The following SFI1 variants were observed in gnomAD, a reference collection of about 807,000 sequenced individuals.
The protein encoded by SFI1 is protein SFI1 homolog.
A neutral mutation model predicts 207.5 loss-of-function variants in SFI1; 195 were observed. The ratio of observed to expected loss-of-function variants is 0.94; its 90% CI spans 0.84 to 1.06. The LOEUF (loss-of-function observed/expected upper bound fraction) is 1.06, where lower values mean the gene tolerates loss of function less well. SFI1 is among the 50% of genes least tolerant of loss of function. The pLI is 0.00. For missense variants in SFI1, 1,634 were observed against 1,588.0 expected, an observed-to-expected ratio of 1.03 and a Z score of -0.49; for synonymous variants, 630 against 598.9, an observed-to-expected ratio of 1.05 and a Z score of -0.76.
chr22:31,526,819 T>C (rs2057967413), intron 2 of SFI1, among the ~76,000 whole-genome samples: 1 of 152,104 alleles, frequency 6.6e-6, no homozygotes, highest in Non-Finnish European at 1.5e-5. Context: ...TGCCTCAGCC[T>C]CTCAAAATGC....
At chr22:31,584,999 G>T (rs566539516) in intron 13 of SFI1, 69 bp from the exon 14 acceptor site, 7 of 1,418,444 alleles carry the variant, frequency 4.9e-6, no homozygotes, top group East Asian at 2.3e-5. Context: ...TAACTGTACC[G>T]CAATTTACCT....
chr22:31,510,906 A>G (rs2146699504), intron 2 of SFI1, among the ~76,000 whole-genome samples: 1 of 152,262 alleles, frequency 6.6e-6, no homozygotes, highest in South Asian at 2.1e-4. Context: ...TTGGTGATCC[A>G]TGTCTTCTCT....
intron 2 of SFI1, among the ~76,000 whole-genome samples, chr22:31,511,062 T>C (rs75732221): frequency 6.6e-6 from 1 of 152,298 alleles, no homozygotes; most frequent in African/African-American, 2.4e-5. Flanking sequence ...AAGTTTCTTA[T>C]AGAATCCACT....
chr22:31,614,361 G>A, intron 27 of SFI1: 2 of 372,920 alleles, frequency 5.4e-6, no homozygotes, highest in East Asian at 6.9e-5. Context: ...TGAAGCTGGT[G>A]GCTCCCACAG....
chr22:31,561,145 A>G, intron 7 of SFI1, 145 bp from the exon 8 acceptor site: 3 of 652,604 alleles, frequency 4.6e-6, no homozygotes, highest in Non-Finnish European at 7.8e-6. Context: ...GTTTTGTTTT[A>G]TTTTTTTCCC....
In SFI1 at chr22:31,613,094, C is replaced by T. The variant is rs751237692; in HGVS notation, c.2491-48C>T. On this transcript the variant is annotated intron_variant, in intron 24 of 32. Transcript: ENST00000400288. ...GGGCAGGGCCCCGTGATCACCACGGCCTCCTTGAAGGGGCTATAGGGAAAT... is the reference window on the plus strand; with the variant it reads ...GGGCAGGGCCCCGTGATCACCACGGTCTCCTTGAAGGGGCTATAGGGAAAT... 3.1e-6 allele frequency: 5 copies of T among 1,592,486 alleles called. No individual in the cohort carries two copies. In the East Asian group the frequency reaches 1.1e-4, roughly 36 times the overall value.
chr22:31,593,089 C>T (rs1311737378), intron 15 of SFI1, among the ~76,000 whole-genome samples: 3 of 145,862 alleles, frequency 2.1e-5, no homozygotes, highest in Non-Finnish European at 4.6e-5. Flanking sequence ...GGGGGCTGAC[C>T]CCCCACCTCC....
At chr22:31,610,932 G>C (rs1249994329) in intron 22 of SFI1, among the ~76,000 whole-genome samples, 1 of 152,212 alleles carries the variant, frequency 6.6e-6, no homozygotes, top group East Asian at 1.9e-4. Flanking sequence ...AACAGATCTG[G>C]TTCCAGTCCC....
intron 14 of SFI1, among the ~76,000 whole-genome samples, chr22:31,588,447 A>T (rs1480968750): frequency 6.6e-6 from 1 of 152,234 alleles, no homozygotes; most frequent in Admixed American, 6.5e-5. Context: ...TCCCAGCCAG[A>T]TTCAAGGGGA....
chr22:31,562,690 G>A (rs773420840), intron 8 of SFI1, among the ~76,000 whole-genome samples: 12 of 151,896 alleles, frequency 7.9e-5, no homozygotes, highest in Non-Finnish European at 1.6e-4. Context: ...CTGGAGTGGA[G>A]TGGCACAGTC....
chr22:31,596,868 G>A (rs1329618741), intron 15 of SFI1, among the ~76,000 whole-genome samples: 2 of 150,470 alleles, frequency 1.3e-5, no homozygotes, highest in Admixed American at 6.6e-5. Context: ...CTGAAGACAC[G>A]CACACACAGT....
At chr22:31,567,113 G>A (rs2062399699) in intron 8 of SFI1, among the ~76,000 whole-genome samples, 1 of 152,072 alleles carries the variant, frequency 6.6e-6, no homozygotes, top group African/African-American at 2.4e-5. Flanking sequence ...CACCGTGTTA[G>A]CCAGGATGGT....
At position 31,583,857 on chromosome 22, in the gene SFI1, C is replaced by T. The variant is rs368645776; in HGVS notation, c.1249-18C>T. The T allele has an allele frequency of 4.4e-6, 7 of 1,608,324 alleles. No homozygotes were observed. Among genetic ancestry groups the T allele is most frequent in the Non-Finnish European group, 6.0e-6 (7 of 1,174,990 alleles). On this transcript the variant is annotated intron_variant, in intron 12 of 32. Transcript: ENST00000400288. ...TTTCATCTCAGTACATTTCCATCTT[C>T]TTCCTCCCTTGCTTTAGCTGCTGCA...
chr22:31,519,893 T>C (rs2057005899), intron 2 of SFI1, among the ~76,000 whole-genome samples: 1 of 151,870 alleles, frequency 6.6e-6, no homozygotes, highest in Admixed American at 6.6e-5. Context: ...TTTTAAACTT[T>C]TAATTAATTA....
chr22:31,591,158 T>C (rs997110742), intron 15 of SFI1, among the ~76,000 whole-genome samples: 1 of 151,880 alleles, frequency 6.6e-6, no homozygotes. Context: ...GATTAGGGAG[T>C]GGTGATGACT....
At chr22:31,610,323 C>T (rs1368088081) in intron 22 of SFI1, among the ~76,000 whole-genome samples, 2 of 152,196 alleles carry the variant, frequency 1.3e-5, no homozygotes, top group Non-Finnish European at 2.9e-5. Context: ...ATGGGGATAA[C>T]AGTGCCTACC....
intron 12 of SFI1, among the ~76,000 whole-genome samples, chr22:31,581,500 T>C (rs1193942125): frequency 1.3e-5 from 2 of 151,986 alleles, no homozygotes; most frequent in East Asian, 3.9e-4. Flanking sequence ...CCATGTTGGT[T>C]GGGCTGGTCG....
chr22:31,557,883 T>A (rs139710578), intron 7 of SFI1, among the ~76,000 whole-genome samples: 19 of 152,330 alleles, frequency 1.2e-4, no homozygotes, highest in African/African-American at 4.6e-4. Flanking sequence ...TATAGCCAGA[T>A]ATGTAACAAT....
rs574160906 is a variant in SFI1, at chr22:31,543,866, G to A, written c.339-2995G>A. Reference sequence around the variant, plus strand: ...GTGGGTTAGGAGGAGTGACATGTTAGTAACCTGCAGAACCATGAAAAGAAA... The same window carrying A: ...GTGGGTTAGGAGGAGTGACATGTTAATAACCTGCAGAACCATGAAAAGAAA... On this transcript the variant is annotated intron_variant, in intron 4 of 32. Coordinates refer to ENST00000400288, the MANE Select transcript of SFI1 (RefSeq NM_001007467.3). Among the ~76,000 whole-genome samples, 17 of 150,590 alleles carry A rather than the reference G, an allele frequency of 1.1e-4. No individual in the cohort carries two copies. The South Asian group carries it at 3.4e-3, about 30-fold the overall frequency.
Sources: allele counts gnomAD v4.1 joint callset (sites outside exome capture counted in the v4.1 genomes callset), GRCh38; gene constraint gnomAD v4.1.1; transcripts MANE v1.5; gene names NCBI Gene and HGNC (gene_info 2026-07-23, HGNC 2026-07-21).